MYO18B: variants seen among roughly 807,000 people sequenced by gnomAD.
MYO18B encodes unconventional myosin-XVIIIb.
MYO18B carries 204 observed loss-of-function variants against 273.0 expected under a neutral mutation model. The observed-to-expected ratio is 0.75, with a 90% CI of 0.67 to 0.84. The LOEUF (loss-of-function observed/expected upper bound fraction) is 0.84, where lower values mean the gene tolerates loss of function less well. Among genes scored for constraint, MYO18B ranks in the 40% least tolerant of loss-of-function variants. The pLI is 0.00. For synonymous variants in MYO18B, 1,330 were observed against 1,305.7 expected (o/e 1.02, Z -0.40); for missense variants, 3,212 against 3,287.6 (o/e 0.98, Z 0.56).
intron 39 of MYO18B, among the ~76,000 whole-genome samples, chr22:25,976,791 T>C (rs2093094535): frequency 6.6e-6 from 1 of 152,174 alleles, no homozygotes; most frequent in South Asian, 2.1e-4. Context: ...TTGATGAGGC[T>C]TGATTTGCCC....
intron 11 of MYO18B, among the ~76,000 whole-genome samples, chr22:25,793,374 A>T (rs1349943181): frequency 6.6e-6 from 1 of 152,156 alleles, no homozygotes; most frequent in African/African-American, 2.4e-5. Context: ...AGCTGGGGCT[A>T]CAAGGACATA....
intron 39 of MYO18B, among the ~76,000 whole-genome samples, chr22:25,978,785 C>G (rs1471154040): frequency 1.3e-5 from 2 of 152,188 alleles, no homozygotes; most frequent in African/African-American, 4.8e-5. Flanking sequence ...AAAACCTTGT[C>G]TCTACTGAAA....
intron 39 of MYO18B, among the ~76,000 whole-genome samples, chr22:25,961,967 C>T (rs1396692892): frequency 1.3e-5 from 2 of 152,194 alleles, no homozygotes; most frequent in Admixed American, 6.5e-5. Flanking sequence ...CTGCACATAT[C>T]AGCTCCCCTT....
intron 12 of MYO18B, among the ~76,000 whole-genome samples, chr22:25,813,945 A>G (rs920223843): frequency 2.0e-5 from 3 of 152,172 alleles, no homozygotes. Flanking sequence ...TACTGCAACC[A>G]GGTCTATTCT....
At chr22:25,986,421 A>C (rs1211236199) in intron 39 of MYO18B, among the ~76,000 whole-genome samples, 1 of 152,180 alleles carries the variant, frequency 6.6e-6, no homozygotes, top group Non-Finnish European at 1.5e-5. Context: ...TACCACAGAG[A>C]GATAATAGCC....
At chr22:25,980,119 G>T (rs1396534758) in intron 39 of MYO18B, among the ~76,000 whole-genome samples, 1 of 152,156 alleles carries the variant, frequency 6.6e-6, no homozygotes, top group Non-Finnish European at 1.5e-5. Context: ...CCGTGACTGA[G>T]CAATCTTTAC....
At position 25,878,060 on chromosome 22, in the gene MYO18B, C is replaced by T. The variant is rs1244115674; in HGVS notation, c.4314+12C>T. On this transcript the variant is annotated intron_variant, in intron 25 of 43. Transcript: ENST00000335473. The stretch of plus-strand genomic sequence containing the variant: ...TGCTAGAAAGCAAGGTATCCCCATC[C>T]CTCCTCTTGGGTCCTTGTGGGGGGT... The T allele has an allele frequency of 1.3e-6, 2 of 1,567,608 alleles. No homozygotes were observed. The highest frequency in any genetic ancestry group is 1.9e-5 in the Admixed American group (1 of 53,346).
intron 1 of MYO18B, among the ~76,000 whole-genome samples, chr22:25,752,912 G>A (rs2085979191): frequency 6.6e-6 from 1 of 152,182 alleles, no homozygotes; most frequent in Non-Finnish European, 1.5e-5. Context: ...GGCTCGCGCC[G>A]CTAGCCCCGG....
chr22:26,000,446 A>G (rs1435195402), intron 40 of MYO18B, among the ~76,000 whole-genome samples: 3 of 152,090 alleles, frequency 2.0e-5, no homozygotes, highest in African/African-American at 7.2e-5. Context: ...ACCATGGTAT[A>G]CAAACTCAAG....
intron 34 of MYO18B, among the ~76,000 whole-genome samples, chr22:25,925,771 G>T (rs1381295393): frequency 3.3e-5 from 5 of 151,262 alleles, no homozygotes; most frequent in East Asian, 2.0e-4. Context: ...CCGGTGTGGT[G>T]GTGCATGACT....
At chr22:25,965,322 G>C (rs998502847) in intron 39 of MYO18B, among the ~76,000 whole-genome samples, 2 of 152,224 alleles carry the variant, frequency 1.3e-5, no homozygotes, top group Admixed American at 6.5e-5. Context: ...TGAAGGCCTT[G>C]TTCCCCTCCA....
chr22:25,813,531 T>C (rs189540076), intron 12 of MYO18B, among the ~76,000 whole-genome samples: 3 of 152,034 alleles, frequency 2.0e-5, no homozygotes, highest in African/African-American at 4.8e-5. Context: ...CACTCAAGGG[T>C]TTCTAGAGGC....
chr22:25,749,432 A>G (rs2085873462), intron 1 of MYO18B, among the ~76,000 whole-genome samples: 1 of 152,236 alleles, frequency 6.6e-6, no homozygotes, highest in Non-Finnish European at 1.5e-5. Flanking sequence ...GTGGTTGTAG[A>G]TGGAGAAACA....
chr22:25,868,564 A>G lies in MYO18B; in HGVS notation c.3951+179A>G, dbSNP rs542521589. Among the ~76,000 whole-genome samples, 15 of 152,328 alleles carry G rather than the reference A, an allele frequency of 9.8e-5. No homozygotes were observed. In the South Asian group the frequency reaches 1.0e-3, roughly 11 times the overall value. On this transcript the variant is annotated intron_variant, in intron 22 of 43. Transcript: ENST00000335473. Reference sequence around the variant, plus strand: ...TACAAGGTCCTGGAGAGACAATGTCATAATATGAGTTGAAATCACACTGGG... The same window carrying G: ...TACAAGGTCCTGGAGAGACAATGTCGTAATATGAGTTGAAATCACACTGGG...
intron 33 of MYO18B, among the ~76,000 whole-genome samples, chr22:25,920,049 A>G (rs9608429): frequency 0.22 from 33,543 of 152,110 alleles, 4,695 homozygotes; most frequent in Non-Finnish European, 0.32. Flanking sequence ...CTCCATCATC[A>G]GCAAATGGTG....
At chr22:25,905,738 C>A (rs1327959338) in intron 31 of MYO18B, among the ~76,000 whole-genome samples, 1 of 152,206 alleles carries the variant, frequency 6.6e-6, no homozygotes, top group East Asian at 1.9e-4. Flanking sequence ...AGACATCAGT[C>A]TCCTTATCTG....
At chr22:25,913,778 A>T (rs2092207408) in intron 33 of MYO18B, among the ~76,000 whole-genome samples, 1 of 152,152 alleles carries the variant, frequency 6.6e-6, no homozygotes, top group Admixed American at 6.5e-5. Flanking sequence ...TTGGTTACGT[A>T]TTTTGCAAAT....
chr22:25,763,375 T>G lies in MYO18B; in HGVS notation c.184T>G (p.Ser62Ala). Residue 62 changes from serine to alanine, a missense_variant, in exon 3 of 44, where the codon TCT (serine) becomes GCT (alanine). By Grantham distance (99) the Ser-to-Ala change is moderately conservative. Transcript: ENST00000335473. ...ARQRKQLAVA[S>A]PEREIPEISI... ...ACAGAGGAAGCAGTTAGCTGTCGCC[T>G]CTCCAGAACGAGAGGTAAGTGGTTC... 6.2e-7 allele frequency: 1 copy of G among 1,610,518 alleles called. No homozygotes were observed. The highest frequency in any genetic ancestry group is 2.2e-5 in the East Asian group (1 of 44,850).
intron 34 of MYO18B, among the ~76,000 whole-genome samples, chr22:25,923,636 T>C (rs1284504963): frequency 6.6e-6 from 1 of 152,204 alleles, no homozygotes; most frequent in African/African-American, 2.4e-5. Context: ...TCTGCTTGGC[T>C]GACCAGGTGG....
Sources: allele counts gnomAD v4.1 joint callset (sites outside exome capture counted in the v4.1 genomes callset), GRCh38; gene constraint gnomAD v4.1.1; transcripts MANE v1.5; gene names NCBI Gene and HGNC (gene_info 2026-07-23, HGNC 2026-07-21).